Variants in SLC27A2 observed in about 807,000 individuals in gnomAD.
The protein encoded by SLC27A2 is long-chain fatty acid transport protein 2.
In SLC27A2, 54 loss-of-function variants were observed where a neutral mutation model predicts 60.0. That is an observed-to-expected ratio of 0.90 (90% CI 0.72 to 1.13). The LOEUF is 1.13. Among genes scored for constraint, SLC27A2 ranks in the 50% most tolerant of loss-of-function variants. The pLI is 0.00. For missense variants in SLC27A2, 739 were observed against 777.6 expected (o/e 0.95, Z 0.59); for synonymous variants, 297 against 297.6 (o/e 1.00, Z 0.02).
intron 4 of SLC27A2, among the ~76,000 whole-genome samples, chr15:50,216,191 A>C (rs1206945919): frequency 1.3e-5 from 2 of 152,240 alleles, no homozygotes; most frequent in Non-Finnish European, 2.9e-5. Flanking sequence ...ACAAATGGCC[A>C]ATAAACATTA....
chr15:50,202,501 G>A lies in SLC27A2; in HGVS notation c.703G>A (p.Ala235Thr), dbSNP rs766242388. ...TATTTACAAAGGTCTTCCAAAAGCA[G>A]CCATGATCACTCATCAGCGCATATG... ...TSGTTGLPKAAMITHQRIWYG... is the reference protein window; with the variant it reads ...TSGTTGLPKATMITHQRIWYG... Residue 235 changes from alanine (A) to threonine (T), a missense_variant, in exon 3 of 10, where the codon GCC (alanine) becomes ACC (threonine). Physicochemically the swap from Ala to Thr is moderately conservative, Grantham distance 58. Coordinates refer to ENST00000267842, the MANE Select transcript of SLC27A2 (RefSeq NM_003645.4). The A allele has an allele frequency of 3.7e-6, 6 of 1,614,034 alleles. No individual in the cohort carries two copies. Among genetic ancestry groups the A allele is most frequent in the Non-Finnish European group, 5.1e-6 (6 of 1,180,022 alleles).
At chr15:50,231,512 T>A (rs1024097841) in intron 8 of SLC27A2, among the ~76,000 whole-genome samples, 2 of 151,540 alleles carry the variant, frequency 1.3e-5, no homozygotes, top group South Asian at 2.1e-4. Context: ...TATCACAATT[T>A]AAAAAAAAAC....
Position 50,182,715 on chromosome 15 carries a change from C to G in SLC27A2, c.288C>G (p.His96Gln). The G allele has an allele frequency of 6.2e-7, 1 of 1,613,866 alleles. No individual in the cohort carries two copies. The highest frequency in any genetic ancestry group is 8.5e-7 in the Non-Finnish European group (1 of 1,179,938). The change falls in exon 1 of 10, where the codon CAC (histidine) becomes CAG (glutamine). Residue 96 changes from histidine to glutamine, a missense_variant. By Grantham distance (24) the His-to-Gln change is conservative. Coordinates refer to ENST00000267842, the MANE Select transcript of SLC27A2 (RefSeq NM_003645.4). ...GCAATCAAGTGGCCCGGGCGCTGCA[C>G]GACCACCTCGGCCTGCGCCAGGGAG... ...RRSNQVARALHDHLGLRQGDC... is the reference protein window; with the variant it reads ...RRSNQVARALQDHLGLRQGDC...
intron 2 of SLC27A2, among the ~76,000 whole-genome samples, chr15:50,201,791 G>A (rs976568621): frequency 5.9e-5 from 9 of 152,098 alleles, no homozygotes; most frequent in South Asian, 2.1e-4. Flanking sequence ...TCCTGACCTT[G>A]TGATCCGCCC....
intron 1 of SLC27A2, among the ~76,000 whole-genome samples, chr15:50,184,610 T>C (rs1039092865): frequency 3.3e-5 from 5 of 151,180 alleles, no homozygotes; most frequent in Non-Finnish European, 7.4e-5. Context: ...CCGAGGCAGG[T>C]GGATCACTTG....
At chr15:50,188,982 A>AATAGAGAGATAG (rs777000769) in intron 1 of SLC27A2, among the ~76,000 whole-genome samples, 12 of 135,528 alleles carry the variant, frequency 8.9e-5, no homozygotes, top group African/African-American at 3.2e-4. Flanking sequence ...TAGATAGATA[A>AATAGAGAGATAG]ATAGATAGAT....
chr15:50,209,297 G>T lies in SLC27A2; in HGVS notation c.972+3934G>T, dbSNP rs1457051276. 3.3e-5 allele frequency among the ~76,000 whole-genome samples: 5 copies of T among 152,226 alleles called. No homozygotes were observed. The East Asian group carries it at 7.7e-4, about 24-fold the overall frequency. On this transcript the variant is annotated intron_variant, in intron 4 of 9. Coordinates refer to ENST00000267842, the MANE Select transcript of SLC27A2 (RefSeq NM_003645.4). ...TTCTGTTCAAAAAAGAGAATGGATG[G>T]ATCTGTTGCAGCACAGAGTGGAGAG...
At chr15:50,199,036 T>TA (rs921941079) in intron 2 of SLC27A2, among the ~76,000 whole-genome samples, 28 of 151,672 alleles carry the variant, frequency 1.8e-4, no homozygotes, top group Non-Finnish European at 8.8e-5. Flanking sequence ...CTATCTTTTT[T>TA]TTTTTATTTT....
intron 6 of SLC27A2, 102 bp from the exon 7 acceptor site, chr15:50,226,878 C>A: frequency 1.2e-6 from 1 of 857,626 alleles, no homozygotes. Context: ...TTCCTACAGC[C>A]AGCTTGTTGC....
intron 4 of SLC27A2, among the ~76,000 whole-genome samples, chr15:50,205,777 G>A (rs1032404496): frequency 5.9e-5 from 9 of 152,130 alleles, no homozygotes; most frequent in Non-Finnish European, 1.3e-4. Flanking sequence ...CATGTTGCAG[G>A]AGTTTGTGTT....
rs1350124268 is a variant in SLC27A2 at position 50,182,329 on chromosome 15, G to A, written c.-99G>A. 1 of 1,347,260 alleles carries A rather than the reference G, an allele frequency of 7.4e-7. No individual in the cohort carries two copies. The highest frequency in any genetic ancestry group is 1.5e-5 in the African/African-American group (1 of 64,600). The allele number at this position is 1,347,260 out of a possible 1,614,324, so 83.5% of individuals were successfully genotyped here. A position where few individuals can be genotyped will look rare whatever the true frequency, so the allele number is the denominator to read the frequency against. On this transcript the variant is annotated 5_prime_UTR_variant, in exon 1 of 10. Transcript: ENST00000267842. Reference sequence around the variant, plus strand: ...CCGGCGTCCCGCCGCGTGCGCCCCGGCGCAGCCCGCCAGTCCGCCCGGAGC... The same window carrying A: ...CCGGCGTCCCGCCGCGTGCGCCCCGACGCAGCCCGCCAGTCCGCCCGGAGC...
chr15:50,182,286 C>T lies in SLC27A2; in HGVS notation c.-142C>T, dbSNP rs1041386241. The stretch of plus-strand genomic sequence containing the variant: ...CTGCAGCGGAGGAGCTCTGTCTTCC[C>T]CTTCATCTCACGCGAGCCCGGCGTC... On this transcript the variant is annotated 5_prime_UTR_variant, in exon 1 of 10. Coordinates refer to ENST00000267842, the MANE Select transcript of SLC27A2 (RefSeq NM_003645.4). 7.9e-7 allele frequency: 1 copy of T among 1,269,110 alleles called. No homozygotes were observed. Among genetic ancestry groups the T allele is most frequent in the African/African-American group, 1.6e-5 (1 of 63,352 alleles). The allele number at this position is 1,269,110 out of a possible 1,614,324, so 78.6% of individuals were successfully genotyped here. A position where few individuals can be genotyped will look rare whatever the true frequency, so the allele number is the denominator to read the frequency against.
chr15:50,220,142 A>C (rs2045232435), intron 4 of SLC27A2, among the ~76,000 whole-genome samples: 1 of 152,092 alleles, frequency 6.6e-6, no homozygotes, highest in South Asian at 2.1e-4. Flanking sequence ...GATGATGAAA[A>C]CTGAGCCCAT....
Position 50,226,001 on chromosome 15 carries a change from A to G in SLC27A2, c.1181A>G (p.Tyr394Cys), listed in dbSNP as rs967299289. The G allele has an allele frequency of 3.8e-6, 6 of 1,593,832 alleles. No individual in the cohort carries two copies. The Admixed American group carries it at 6.7e-5, about 18-fold the overall frequency. The change falls in exon 6 of 10, where the codon TAT (tyrosine) becomes TGT (cysteine). Residue 394 changes from tyrosine (Y) to cysteine (C), a missense_variant. Tyr to Cys is a radical substitution (Grantham distance 194). Coordinates refer to ENST00000267842, the MANE Select transcript of SLC27A2 (RefSeq NM_003645.4). ...VNYLQKKIIT[Y>C]DLIKYDVEKD... ...TAATCTTGCTAGAAAATCATAACTT[A>G]TGACCTGATTAAATATGATGTGGAG...
chr15:50,183,541 C>T (rs2044890085), intron 1 of SLC27A2, among the ~76,000 whole-genome samples: 1 of 152,132 alleles, frequency 6.6e-6, no homozygotes. Flanking sequence ...GTTGTGAGCC[C>T]CCACTGCATC....
intron 4 of SLC27A2, among the ~76,000 whole-genome samples, chr15:50,212,336 G>A (rs1178044684): frequency 1.3e-5 from 2 of 152,156 alleles, no homozygotes; most frequent in East Asian, 3.9e-4. Flanking sequence ...TGTTCCTGAG[G>A]AAGAAGACAA....
rs1567423608 is a variant in SLC27A2, at chr15:50,182,661, TC to T, written c.235del (p.Leu79SerfsTer47). On this transcript the variant is annotated frameshift_variant, in exon 1 of 10. Coordinates refer to ENST00000267842, the MANE Select transcript of SLC27A2 (RefSeq NM_003645.4). LOFTEE classifies it high-confidence loss of function. ...KPFLLFRDET[L>X]TYAQVDRRSN... ...CTTTTCTGCTCTTCCGCGACGAGACTCTCACCTACGCGCAGGTGGACCGGCG... is the reference window on the plus strand; with the variant it reads ...CTTTTCTGCTCTTCCGCGACGAGACTTCACCTACGCGCAGGTGGACCGGCG... The T allele has an allele frequency of 6.2e-7, 1 of 1,613,930 alleles. No individual in the cohort carries two copies. Among genetic ancestry groups the T allele is most frequent in the East Asian group, 2.2e-5 (1 of 44,852 alleles).
intron 4 of SLC27A2, among the ~76,000 whole-genome samples, chr15:50,218,034 A>G (rs2045212915): frequency 7.3e-6 from 1 of 136,160 alleles, no homozygotes; most frequent in Non-Finnish European, 1.5e-5. Context: ...AGCCTGGGTG[A>G]CAGGGCGAGA....
chr15:50,223,061 T>C lies in SLC27A2; in HGVS notation c.1069T>C (p.Cys357Arg), dbSNP rs765743005. ...ATTTGTCAAGAGATTTGGGGACATA[T>C]GCATCTATGAGTTCTATGCTGCCAC... is the stretch of plus-strand genomic sequence containing the variant. ...RQFVKRFGDICIYEFYAATEG... is the reference protein window; with the variant it reads ...RQFVKRFGDIRIYEFYAATEG... Residue 357 changes from cysteine to arginine, a missense_variant, in exon 5 of 10, where the codon TGC becomes CGC. By Grantham distance (180) the Cys-to-Arg change is radical. Transcript: ENST00000267842. 2.5e-6 allele frequency: 4 copies of C among 1,614,016 alleles called. No individual in the cohort carries two copies. The highest frequency in any genetic ancestry group is 1.1e-5 in the South Asian group (1 of 91,066).
Sources: allele counts gnomAD v4.1 joint callset (sites outside exome capture counted in the v4.1 genomes callset), GRCh38; gene constraint gnomAD v4.1.1; transcripts MANE v1.5; gene names NCBI Gene and HGNC (gene_info 2026-07-23, HGNC 2026-07-21).